SERPINB7: variants seen among roughly 807,000 people sequenced by gnomAD.
The protein encoded by SERPINB7 is serpin B7.
SERPINB7 carries 31 observed loss-of-function variants against 37.4 expected under a neutral mutation model. That is an observed-to-expected ratio of 0.83 (90% CI 0.62 to 1.12). The LOEUF is 1.12. Ranked by LOEUF, SERPINB7 falls within the 50% of genes most tolerant of loss-of-function variation. The pLI is 0.00. For synonymous variants in SERPINB7, 163 were observed against 166.1 expected, an observed-to-expected ratio of 0.98 and a Z score of 0.14; for missense variants, 521 against 455.3, an observed-to-expected ratio of 1.14 and a Z score of -1.31.
rs568579813 is a variant in SERPINB7, at chr18:63,755,683, G to A, written c.-19+2563G>A. 7.9e-5 allele frequency among the ~76,000 whole-genome samples: 12 copies of A among 152,014 alleles called. No homozygotes were observed. The South Asian group carries it at 1.5e-3, about 18-fold the overall frequency. On this transcript the variant is annotated intron_variant, in intron 1 of 7. Transcript: ENST00000336429. ...TGAGGTGGGAGGATTGCTTGAGCCC[G>A]GGAATTGGAGACAAGCCTGGACAAC...
At chr18:63,763,048 A>G (rs529069780) in intron 1 of SERPINB7, among the ~76,000 whole-genome samples, 1 of 152,290 alleles carries the variant, frequency 6.6e-6, no homozygotes, top group East Asian at 1.9e-4. Flanking sequence ...GTGTAGCATA[A>G]AACATACTCC....
chr18:63,798,779 T>A (rs1256061539), intron 6 of SERPINB7, 33 bp downstream of exon 6: 1 of 1,603,308 alleles, frequency 6.2e-7, no homozygotes, highest in Non-Finnish European at 8.5e-7. Flanking sequence ...AATTTAGAAC[T>A]TTTCCACAAT....
At chr18:63,768,993 C>A (rs373501535) in intron 1 of SERPINB7, among the ~76,000 whole-genome samples, 1 of 152,080 alleles carries the variant, frequency 6.6e-6, no homozygotes. Context: ...TTATTTAACA[C>A]CTGTTGAGGA....
At position 63,798,737 on chromosome 18, in the gene SERPINB7, A is replaced by G; in HGVS notation, c.588A>G (p.Lys196=). Residue 196 remains lysine, a synonymous_variant, in exon 6 of 8, where the codon AAA becomes AAG. Transcript: ENST00000398019. The part of the protein sequence containing the change: ...TKSETINCHF[K]SPKCSGKAVA... ...GCGAAACCATAAATTGCCATTTCAA[A>G]TCTCCCAAGGTATGTCGTCAATCTC... 6.2e-7 allele frequency: 1 copy of G among 1,612,762 alleles called. No individual in the cohort carries two copies.
intron 7 of SERPINB7, among the ~76,000 whole-genome samples, chr18:63,801,306 T>G (rs1338409044): frequency 1.3e-5 from 2 of 152,112 alleles, no homozygotes; most frequent in African/African-American, 2.4e-5. Flanking sequence ...GCCTTTTTGG[T>G]GTTTGGCCAT....
upstream of SERPINB7, among the ~76,000 whole-genome samples, chr18:63,773,661 C>G (rs117225871): frequency 3.7e-3 from 570 of 152,204 alleles, 3 homozygotes; most frequent in Middle Eastern, 6.8e-3. Context: ...CATGTTTCCT[C>G]ATCTATATGC....
At chr18:63,797,475 A>T (rs2049500544) in intron 5 of SERPINB7, among the ~76,000 whole-genome samples, 1 of 152,202 alleles carries the variant, frequency 6.6e-6, no homozygotes. Flanking sequence ...TTAATATTTA[A>T]CATAAGGGTG....
At chr18:63,782,629 G>A in intron 2 of SERPINB7, 89 bp downstream of exon 2, 2 of 1,283,162 alleles carry the variant, frequency 1.6e-6, no homozygotes, top group Non-Finnish European at 2.1e-6. Context: ...GTTAATGGAG[G>A]TCATCATGAG....
In SERPINB7 at chr18:63,793,652, A is replaced by C. The variant is rs1214145250; in HGVS notation, c.336+375A>C. ...CCTGAGTCGCTGTGACCACAGGTGC[A>C]TGCCACTATGCCCAGCTAATTTTTT... On this transcript the variant is annotated intron_variant, in intron 4 of 7. Coordinates refer to ENST00000398019, the MANE Select transcript of SERPINB7 (RefSeq NM_003784.4). 2.4e-4 allele frequency among the ~76,000 whole-genome samples: 37 copies of C among 152,128 alleles called. 1 individual carries two copies. Among genetic ancestry groups the C allele is most frequent in the Admixed American group, 2.4e-3 (37 of 15,272 alleles).
intron 1 of SERPINB7, among the ~76,000 whole-genome samples, chr18:63,761,940 G>C (rs1261816127): frequency 6.6e-6 from 1 of 152,102 alleles, no homozygotes; most frequent in Non-Finnish European, 1.5e-5. Context: ...CTGTCTTCTA[G>C]GTCTGACCTG....
At chr18:63,789,111 C>T (rs1295856430) in intron 2 of SERPINB7, among the ~76,000 whole-genome samples, 2 of 152,212 alleles carry the variant, frequency 1.3e-5, no homozygotes, top group Non-Finnish European at 2.9e-5. Context: ...TTTCTCAAGA[C>T]ATTATGTCAT....
At chr18:63,760,793 G>A (rs1185694677) in intron 1 of SERPINB7, among the ~76,000 whole-genome samples, 3 of 152,222 alleles carry the variant, frequency 2.0e-5, no homozygotes, top group Non-Finnish European at 4.4e-5. Context: ...TGAGCCTGCA[G>A]GTTCACAGAA....
At chr18:63,792,498 C>CCA in intron 3 of SERPINB7, 55 bp downstream of exon 3, 1 of 1,212,058 alleles carries the variant, frequency 8.3e-7, no homozygotes, top group Non-Finnish European at 1.2e-6. Context: ...TGCAGGGGCT[C>CCA]AAGCCTGTAA....
intron 1 of SERPINB7, among the ~76,000 whole-genome samples, chr18:63,758,097 TTC>T (rs1290734548): frequency 6.6e-6 from 1 of 152,194 alleles, no homozygotes; most frequent in Non-Finnish European, 1.5e-5. Flanking sequence ...CTCTCCCTCT[TTC>T]TCTCTCTAAA....
chr18:63,773,776 G>A (rs1442860082), upstream of SERPINB7, among the ~76,000 whole-genome samples: 2 of 152,140 alleles, frequency 1.3e-5, no homozygotes, highest in African/African-American at 2.4e-5. Context: ...TCATACTTAT[G>A]TCACTTTGGG....
At chr18:63,779,945 T>A (rs566921109) in intron 1 of SERPINB7, among the ~76,000 whole-genome samples, 1 of 152,204 alleles carries the variant, frequency 6.6e-6, no homozygotes, top group Non-Finnish European at 1.5e-5. Flanking sequence ...GAAAAATGTA[T>A]CTTAAAGTAT....
At chr18:63,767,790 T>C (rs1255593919) in intron 1 of SERPINB7, among the ~76,000 whole-genome samples, 1 of 152,094 alleles carries the variant, frequency 6.6e-6, no homozygotes, top group East Asian at 1.9e-4. Flanking sequence ...AAGAAGACCA[T>C]CTGGGACTTG....
chr18:63,803,952 G>A (rs898499813), intron 7 of SERPINB7, among the ~76,000 whole-genome samples: 2 of 152,142 alleles, frequency 1.3e-5, no homozygotes, highest in Non-Finnish European at 2.9e-5. Context: ...ATTGCTCCAC[G>A]TTGGCTGTAT....
At position 63,775,632 on chromosome 18, in the gene SERPINB7, A is replaced by G. The variant is rs1460953309; in HGVS notation, c.-103A>G. Reference sequence around the variant, plus strand: ...GGCTCAACAGTCTTGAGAAGTGTGGAAACATTTTCTTTGTGAGTGAGAACA... The same window carrying G: ...GGCTCAACAGTCTTGAGAAGTGTGGGAACATTTTCTTTGTGAGTGAGAACA... On this transcript the variant is annotated 5_prime_UTR_variant, in exon 1 of 8. Transcript: ENST00000398019. The G allele has an allele frequency of 6.6e-6, 1 of 152,160 alleles. No homozygotes were observed. The highest frequency in any genetic ancestry group is 1.5e-5 in the Non-Finnish European group (1 of 68,020). 9.4% of individuals were successfully genotyped at this position (152,160 alleles called of 1,614,324 possible).
Sources: allele counts gnomAD v4.1 joint callset (sites outside exome capture counted in the v4.1 genomes callset), GRCh38; gene constraint gnomAD v4.1.1; transcripts MANE v1.5; gene names NCBI Gene and HGNC (gene_info 2026-07-23, HGNC 2026-07-21).